The following MACROD2 variants were observed in gnomAD, a reference collection of about 807,000 sequenced individuals.
The protein encoded by MACROD2 is ADP-ribose glycohydrolase MACROD2.
Under a neutral mutation model 70.4 loss-of-function variants are expected in MACROD2, and 36 were observed. That is an observed-to-expected ratio of 0.51 (90% confidence interval 0.39 to 0.68). MACROD2 has a LOEUF of 0.68. Among genes scored for constraint, MACROD2 ranks in the 30% least tolerant of loss-of-function variants. The pLI is 0.00. For missense variants in MACROD2, 496 were observed against 538.4 expected (o/e 0.92, Z 0.78); for synonymous variants, 172 against 178.8 (o/e 0.96, Z 0.30).
intron 8 of MACROD2, among the ~76,000 whole-genome samples, chr20:15,752,095 T>C (rs1054165488): frequency 5.9e-5 from 9 of 152,034 alleles, no homozygotes; most frequent in African/African-American, 2.2e-4. Context: ...AAATACTTAA[T>C]GCGTACAGAG....
intron 6 of MACROD2, among the ~76,000 whole-genome samples, chr20:15,268,066 G>A (rs1229304916): frequency 1.3e-5 from 2 of 152,212 alleles, no homozygotes; most frequent in East Asian, 1.9e-4. Context: ...TGGCAGATGA[G>A]TGTGAAAAGT....
Position 14,297,356 on chromosome 20 carries a change from G to C in MACROD2, c.272-196123G>C, listed in dbSNP as rs533905493. Among the ~76,000 whole-genome samples, 5 of 152,098 alleles carry C rather than the reference G, an allele frequency of 3.3e-5. 1 individual carries two copies. In the South Asian group the frequency reaches 1.0e-3, roughly 31 times the overall value. On this transcript the variant is annotated intron_variant, in intron 3 of 17. Coordinates refer to ENST00000684519, the MANE Select transcript of MACROD2 (RefSeq NM_001351661.2). ...GCCATGTCAAAAGCCAAGATAGGCC[G>C]AAAGTGAGGCCTCTTGTGCCATACA...
At chr20:14,624,069 A>G (rs1017775871) in intron 4 of MACROD2, among the ~76,000 whole-genome samples, 11 of 152,284 alleles carry the variant, frequency 7.2e-5, no homozygotes, top group African/African-American at 2.6e-4. Context: ...TGGATCTGTT[A>G]TTTGATGGCA....
At chr20:14,938,759 T>C (rs2074363571) in intron 5 of MACROD2, among the ~76,000 whole-genome samples, 1 of 151,806 alleles carries the variant, frequency 6.6e-6, no homozygotes, top group African/African-American at 2.4e-5. Context: ...CCAGCGTGGG[T>C]GACTGTCTCA....
At chr20:14,347,797 C>T (rs113612078) in intron 3 of MACROD2, among the ~76,000 whole-genome samples, 9 of 152,132 alleles carry the variant, frequency 5.9e-5, no homozygotes, top group African/African-American at 1.2e-4. Context: ...GCTATTAAAA[C>T]GAAGATATGG....
At chr20:15,667,991 A>G (rs112122546) in intron 8 of MACROD2, among the ~76,000 whole-genome samples, 3,229 of 152,266 alleles carry the variant, frequency 0.021, 104 homozygotes, top group African/African-American at 0.072. Flanking sequence ...GGTGGCTCAC[A>G]CCGTGAGTGT....
chr20:14,723,895 T>C (rs1298768203), intron 5 of MACROD2, among the ~76,000 whole-genome samples: 4 of 152,128 alleles, frequency 2.6e-5, no homozygotes, highest in Admixed American at 6.6e-5. Flanking sequence ...AATTATGTTC[T>C]ATTGTAATCT....
At position 15,405,543 on chromosome 20, in the gene MACROD2, G is replaced by A. The variant is rs117224022; in HGVS notation, c.541-25862G>A. ...TGAAGTCTGTTTGTGTCACACACTT[G>A]TGCATGCCTGCCTTGGAGTCTGAGC... is the stretch of plus-strand genomic sequence containing the variant. On this transcript the variant is annotated intron_variant, in intron 6 of 17. Transcript: ENST00000684519. 3.1e-3 allele frequency among the ~76,000 whole-genome samples: 470 copies of A among 152,238 alleles called. 9 individuals are homozygous for A. In the East Asian group the frequency reaches 0.051, roughly 16 times the overall value.
chr20:15,239,548 T>C (rs2077042725), intron 6 of MACROD2, among the ~76,000 whole-genome samples: 1 of 152,162 alleles, frequency 6.6e-6, no homozygotes, highest in Non-Finnish European at 1.5e-5. Flanking sequence ...TAATTATGAA[T>C]TAAGTTCAGC....
chr20:15,233,218 C>A (rs931253529), intron 6 of MACROD2, among the ~76,000 whole-genome samples: 1 of 152,036 alleles, frequency 6.6e-6, no homozygotes, highest in Non-Finnish European at 1.5e-5. Context: ...CTTTAAAATG[C>A]AGATACTCAT....
chr20:14,914,970 A>G (rs1478773626), intron 5 of MACROD2, among the ~76,000 whole-genome samples: 7 of 152,210 alleles, frequency 4.6e-5, no homozygotes, highest in African/African-American at 1.4e-4. Context: ...TAAAATGACA[A>G]TAGATTCGAC....
At chr20:14,660,730 T>C (rs1456401329) in intron 4 of MACROD2, among the ~76,000 whole-genome samples, 1 of 152,126 alleles carries the variant, frequency 6.6e-6, no homozygotes, top group Non-Finnish European at 1.5e-5. Flanking sequence ...ATCCCCAGTG[T>C]TTATTGTCCC....
intron 3 of MACROD2, chr20:14,327,357 T>G (rs1228300398): frequency 6.2e-7 from 1 of 1,613,654 alleles, no homozygotes; most frequent in African/African-American, 1.3e-5. Flanking sequence ...TTGGAATGGA[T>G]GTCAGAAAGC....
Position 14,234,580 on chromosome 20 carries a change from T to C in MACROD2, c.271+148852T>C, listed in dbSNP as rs182717697. 2.0e-3 allele frequency among the ~76,000 whole-genome samples: 309 copies of C among 152,356 alleles called. 6 individuals are homozygous for C. Among genetic ancestry groups the C allele is most frequent in the Admixed American group, 0.02 (303 of 15,304 alleles). On this transcript the variant is annotated intron_variant, in intron 3 of 17. Coordinates refer to ENST00000684519, the MANE Select transcript of MACROD2 (RefSeq NM_001351661.2). ...GATGATTTAAGTTCTCAGCATGCTT[T>C]TTCTATCTTCTGTGCTATATATGCT...
chr20:15,638,046 G>A (rs1224469069), intron 8 of MACROD2, among the ~76,000 whole-genome samples: 1 of 152,074 alleles, frequency 6.6e-6, no homozygotes, highest in Non-Finnish European at 1.5e-5. Flanking sequence ...TTTTTACGAG[G>A]CTTGTGTTGA....
intron 5 of MACROD2, among the ~76,000 whole-genome samples, chr20:14,917,009 C>T (rs1238176345): frequency 1.3e-5 from 2 of 151,852 alleles, no homozygotes; most frequent in Admixed American, 1.3e-4. Context: ...ATACTACATG[C>T]CAAATAACAA....
chr20:15,710,194 CAA>C lies in MACROD2; in HGVS notation c.646-152533_646-152532del, dbSNP rs67656339. ...GTTAGAATGGCTATTATCAAAAAGA[CAA>C]AAAAAAAAAAAAAAAAACAATTGCG... On this transcript the variant is annotated intron_variant, in intron 8 of 17. Coordinates refer to ENST00000684519, the MANE Select transcript of MACROD2 (RefSeq NM_001351661.2). Among the ~76,000 whole-genome samples, 908 of 102,656 alleles carry C rather than the reference CAA, an allele frequency of 8.8e-3. 8 individuals carry two copies. The highest frequency in any genetic ancestry group is 0.02 in the Admixed American group (194 of 9,650). The allele number at this position is 102,656 out of a possible 152,430, so 67.3% of individuals were successfully genotyped here. A position where few individuals can be genotyped will look rare whatever the true frequency, so the allele number is the denominator to read the frequency against.
At position 14,596,412 on chromosome 20, in the gene MACROD2, C is replaced by CATATATATATAT. The variant is rs5840627; in HGVS notation, c.302-88420_302-88409dup. Among the ~76,000 whole-genome samples, 837 of 142,974 alleles carry CATATATATATAT rather than the reference C, an allele frequency of 5.9e-3. 13 individuals carry two copies. Among genetic ancestry groups the CATATATATATAT allele is most frequent in the African/African-American group, 0.02 (783 of 38,840 alleles). The allele number at this position is 142,974 out of a possible 152,430, so 93.8% of individuals were successfully genotyped here. On this transcript the variant is annotated intron_variant, in intron 4 of 17. Coordinates refer to ENST00000684519, the MANE Select transcript of MACROD2 (RefSeq NM_001351661.2). ...GCCCATATATATGTAATTTTTTAAA[C>CATATATATATAT]ATATATATATATATATATATATGCT... is the stretch of plus-strand genomic sequence containing the variant.
intron 5 of MACROD2, among the ~76,000 whole-genome samples, chr20:15,147,917 G>A (rs62202830): frequency 0.076 from 11,522 of 152,072 alleles, 588 homozygotes; most frequent in Middle Eastern, 0.15. Flanking sequence ...GAGCTTTTGA[G>A]CCAGGATGAG....
Sources: gnomAD v4.1 joint callset for allele counts (sites outside exome capture counted in the v4.1 genomes callset) on GRCh38, gnomAD v4.1.1 for gene constraint, MANE v1.5 for transcripts, NCBI Gene and HGNC (gene_info 2026-07-23, HGNC 2026-07-21) for gene names.